Variants in ZDHHC16 observed in about 807,000 individuals in gnomAD.
ZDHHC16 encodes zDHHC palmitoyltransferase 16.
Under a neutral mutation model 54.4 loss-of-function variants are expected in ZDHHC16, and 33 were observed. That is an observed-to-expected ratio of 0.61 (90% CI 0.46 to 0.81). The LOEUF is 0.81. ZDHHC16 is among the 30% of genes least tolerant of loss of function. The probability of loss-of-function intolerance (pLI) is 0.00; values close to 1 mark genes in which losing one functional copy is unlikely to be tolerated. For missense variants in ZDHHC16, 420 were observed against 485.9 expected (o/e 0.86, Z 1.28); for synonymous variants, 185 against 182.1 (o/e 1.02, Z -0.13).
At position 97,446,204 on chromosome 10, in the gene ZDHHC16, G is replaced by C. The variant is rs933315787; in HGVS notation, c.-335G>C. ...TTGAGGATGGGCTGGCGGCGGGTCC[G>C]GGTCCGCTGCCTGGCGCTGCGGGCG... is the stretch of plus-strand genomic sequence containing the variant. On this transcript the variant is annotated 5_prime_UTR_variant, in exon 1 of 12. Coordinates refer to ENST00000393760, the MANE Select transcript of ZDHHC16 (RefSeq NM_198046.3). The C allele has an allele frequency of 3.7e-4, 244 of 666,942 alleles. 1 individual carries two copies. The highest frequency in any genetic ancestry group is 5.5e-4 in the Non-Finnish European group (217 of 393,262). 41.3% of individuals were successfully genotyped at this position (666,942 alleles called of 1,614,324 possible). A position where few individuals can be genotyped will look rare whatever the true frequency, so the allele number is the denominator to read the frequency against.
In ZDHHC16 at chr10:97,454,768, AAG is replaced by A. The variant is rs765150919; in HGVS notation, c.796_797del (p.Leu267CysfsTer29). The A allele has an allele frequency of 5.0e-5, 81 of 1,614,006 alleles. No individual in the cohort carries two copies. The highest frequency in any genetic ancestry group is 6.8e-5 in the Non-Finnish European group (80 of 1,180,024). On this transcript the variant is annotated frameshift_variant, in exon 9 of 12. Coordinates refer to ENST00000393760, the MANE Select transcript of ZDHHC16 (RefSeq NM_198046.3). LOFTEE classifies it high-confidence loss of function. ...TFSFRERMTH[K>X]SLVYLWFLCS... is the part of the protein sequence containing the mutation. ...CTCCTTTCGAGAAAGGATGACTCAC[AAG>A]AGTCTTGTCTACCTCTGGTTCCTGT... is the stretch of plus-strand genomic sequence containing the variant.
At chr10:97,449,272 C>A (rs183957053) in intron 1 of ZDHHC16, among the ~76,000 whole-genome samples, 1 of 148,810 alleles carries the variant, frequency 6.7e-6, no homozygotes, top group Non-Finnish European at 1.5e-5. Context: ...GTATATAATT[C>A]GAGTTTATTA....
intron 11 of ZDHHC16, chr10:97,456,264 T>G: frequency 1.9e-6 from 1 of 526,662 alleles, no homozygotes; most frequent in Non-Finnish European, 3.3e-6. Context: ...TACAGTGGAA[T>G]CCTAGGAAAG....
At position 97,453,790 on chromosome 10, in the gene ZDHHC16, T is replaced by C; in HGVS notation, c.691-9T>C. ...AGAGTATAACCAGCACTGTTTTCCGTCCCCTTAGAAAATGAAACAGCTCGA... is the reference window on the plus strand; with the variant it reads ...AGAGTATAACCAGCACTGTTTTCCGCCCCCTTAGAAAATGAAACAGCTCGA... On this transcript the variant is annotated splice_polypyrimidine_tract_variant and intron_variant, in intron 7 of 11. Transcript: ENST00000393760. 1 of 1,614,052 alleles carries C rather than the reference T, an allele frequency of 6.2e-7. No homozygotes were observed. The highest frequency in any genetic ancestry group is 1.1e-5 in the South Asian group (1 of 91,078).
At chr10:97,454,154 G>A in intron 8 of ZDHHC16, among the ~76,000 whole-genome samples, 1 of 152,206 alleles carries the variant, frequency 6.6e-6, no homozygotes, top group Non-Finnish European at 1.5e-5. Flanking sequence ...GTGTAATGGG[G>A]TTCCAGGGGA....
chr10:97,454,604 AC>A, intron 8 of ZDHHC16, 109 bp from the exon 9 acceptor site: 1 of 1,016,590 alleles, frequency 9.8e-7, no homozygotes, highest in Non-Finnish European at 1.5e-6. Context: ...CTGTGGCTTT[AC>A]CCTGTTTTCT....
intron 11 of ZDHHC16, chr10:97,456,547 G>A (rs1024769243): frequency 4.9e-6 from 2 of 409,398 alleles, no homozygotes; most frequent in Admixed American, 7.7e-5. Flanking sequence ...TCCTATCACT[G>A]TGCTTACAGT....
rs368458800 is a variant in ZDHHC16 at position 97,455,643 on chromosome 10, C to T, written c.825-17C>T. The T allele has an allele frequency of 5.7e-5, 92 of 1,614,206 alleles. 2 individuals are homozygous for T. The highest frequency in any genetic ancestry group is 2.0e-4 in the Admixed American group (12 of 60,030). On this transcript the variant is annotated splice_polypyrimidine_tract_variant and intron_variant, in intron 9 of 11. Coordinates refer to ENST00000393760, the MANE Select transcript of ZDHHC16 (RefSeq NM_198046.3). ...CCTCTCTAAACTACCCACCAGTCTT[C>T]GCCCCTCTTTTCTTAGTTCTGTGGC...
chr10:97,449,826 G>A (rs891328844), intron 1 of ZDHHC16, among the ~76,000 whole-genome samples: 4 of 148,214 alleles, frequency 2.7e-5, no homozygotes, highest in Non-Finnish European at 5.9e-5. Context: ...CACTGCGCCC[G>A]GCCTTTTTTT....
At chr10:97,456,678 G>C in intron 11 of ZDHHC16, 99 bp from the exon 12 acceptor site, 3 of 776,882 alleles carry the variant, frequency 3.9e-6, no homozygotes, top group Non-Finnish European at 6.0e-6. Context: ...TTGACACCGA[G>C]GTAGCTTCAG....
In ZDHHC16 at chr10:97,456,798, C is replaced by T; in HGVS notation, c.1041C>T (p.Leu347=). ...CTAGGCACTGGCTTACTCGGGTGCT[C>T]TTACCTTCTAGTCACTTGCCCCATG... ...DTGRHWLTRV[L]LPSSHLPHGN... is the part of the protein sequence containing the mutation. The change falls in exon 12 of 12, where the codon CTC becomes CTT. Residue 347 remains leucine (L), a synonymous_variant. Coordinates refer to ENST00000393760, the MANE Select transcript of ZDHHC16 (RefSeq NM_198046.3). 2 of 1,613,526 alleles carry T rather than the reference C, an allele frequency of 1.2e-6. No individual in the cohort carries two copies. The highest frequency in any genetic ancestry group is 1.7e-6 in the Non-Finnish European group (2 of 1,179,626).
Position 97,456,929 on chromosome 10 carries a change from G to T in ZDHHC16, c.*38G>T. The T allele has an allele frequency of 6.6e-7, 1 of 1,514,588 alleles. No homozygotes were observed. Among genetic ancestry groups the T allele is most frequent in the Non-Finnish European group, 9.0e-7 (1 of 1,115,798 alleles). 93.8% of individuals were successfully genotyped at this position (1,514,588 alleles called of 1,614,324 possible). ...CAGCCACGACTCGAGCACTCATTCT[G>T]CTCCCTATGTTATTTCAAGGGCCTC... On this transcript the variant is annotated 3_prime_UTR_variant, in exon 12 of 12. Transcript: ENST00000393760.
In ZDHHC16 at chr10:97,449,861, C is replaced by CTTTTTTTTTTTT. The variant is rs35173837; in HGVS notation, c.-185-486_-185-475dup. The stretch of plus-strand genomic sequence containing the variant: ...TCTCTTTTCTACACTCCCCTTAATT[C>CTTTTTTTTTTTT]TTTTTTTTTTTTTTTTTTTTTGAGA... On this transcript the variant is annotated intron_variant, in intron 1 of 11. Transcript: ENST00000393760. Among the ~76,000 whole-genome samples the CTTTTTTTTTTTT allele has an allele frequency of 9.3e-4, 76 of 81,532 alleles. 2 individuals are homozygous for CTTTTTTTTTTTT. Among genetic ancestry groups the CTTTTTTTTTTTT allele is most frequent in the South Asian group, 1.8e-3 (4 of 2,198 alleles). The allele number at this position is 81,532 out of a possible 152,430, so 53.5% of individuals were successfully genotyped here.
chr10:97,450,092 C>T (rs1216872381), intron 1 of ZDHHC16, among the ~76,000 whole-genome samples: 2 of 150,288 alleles, frequency 1.3e-5, no homozygotes, highest in Admixed American at 6.7e-5. Flanking sequence ...AGGATGGTCT[C>T]GATCTCCTGA....
intron 9 of ZDHHC16, among the ~76,000 whole-genome samples, 199 bp downstream of exon 9, chr10:97,454,998 C>T (rs1589515641): frequency 1.3e-5 from 2 of 152,310 alleles, no homozygotes; most frequent in Middle Eastern, 3.4e-3. Flanking sequence ...ACTAAGCACA[C>T]AGATACAAGT....
At chr10:97,452,715 A>G in intron 5 of ZDHHC16, 180 bp from the exon 6 acceptor site, 1 of 941,476 alleles carries the variant, frequency 1.1e-6, no homozygotes. Flanking sequence ...GAGATGAGTT[A>G]CCTTGTCCAA....
At position 97,456,963 on chromosome 10, in the gene ZDHHC16, GCTTTTCT is replaced by G; in HGVS notation, c.*74_*80del. Reference sequence around the variant, plus strand: ...GTTATTTCAAGGGCCTCCAAGGGCAGCTTTTCTCAGAATCCTTGATCAAAAAGAGCCA... The same window carrying G: ...GTTATTTCAAGGGCCTCCAAGGGCAGCAGAATCCTTGATCAAAAAGAGCCA... On this transcript the variant is annotated 3_prime_UTR_variant, in exon 12 of 12. Coordinates refer to ENST00000393760, the MANE Select transcript of ZDHHC16 (RefSeq NM_198046.3). 2 of 1,249,622 alleles carry G rather than the reference GCTTTTCT, an allele frequency of 1.6e-6. No homozygotes were observed. 77.4% of individuals were successfully genotyped at this position (1,249,622 alleles called of 1,614,324 possible).
chr10:97,454,241 T>G lies in ZDHHC16; in HGVS notation c.738+395T>G, dbSNP rs578068145. ...ATCTGGATCATCCCTGCCCCCCCAG[T>G]ACCTTTTAGGACTCCCTAATCTGCT... On this transcript the variant is annotated intron_variant, in intron 8 of 11. Coordinates refer to ENST00000393760, the MANE Select transcript of ZDHHC16 (RefSeq NM_198046.3). Among the ~76,000 whole-genome samples, 6 of 152,334 alleles carry G rather than the reference T, an allele frequency of 3.9e-5. No individual in the cohort carries two copies. The South Asian group carries it at 1.2e-3, about 32-fold the overall frequency.
In ZDHHC16 at chr10:97,453,852, C is replaced by T; in HGVS notation, c.738+6C>T. 2 of 1,614,158 alleles carry T rather than the reference C, an allele frequency of 1.2e-6. No homozygotes were observed. Among genetic ancestry groups the T allele is most frequent in the South Asian group, 1.1e-5 (1 of 91,082 alleles). ...TACAGGCGGTTGCCAACCAGGTGGGCTGTCCCCACCCCACTGCCTCCTGCT... is the reference window on the plus strand; with the variant it reads ...TACAGGCGGTTGCCAACCAGGTGGGTTGTCCCCACCCCACTGCCTCCTGCT... On this transcript the variant is annotated splice_donor_region_variant and intron_variant, in intron 8 of 11. Coordinates refer to ENST00000393760, the MANE Select transcript of ZDHHC16 (RefSeq NM_198046.3).
Sources: allele counts gnomAD v4.1 joint callset (sites outside exome capture counted in the v4.1 genomes callset), GRCh38; gene constraint gnomAD v4.1.1; transcripts MANE v1.5; gene names NCBI Gene and HGNC (gene_info 2026-07-23, HGNC 2026-07-21).